The following MNAT1 variants were observed in gnomAD, a reference collection of about 807,000 sequenced individuals.
MNAT1 encodes CDK-activating kinase assembly factor MAT1.
In MNAT1, 43 loss-of-function variants were observed where a neutral mutation model predicts 42.0. The observed-to-expected ratio is 1.02, with a 90% CI of 0.80 to 1.32. MNAT1 has a LOEUF of 1.32. MNAT1 is among the 40% of genes most tolerant of loss of function. The pLI is 0.00. For synonymous variants in MNAT1, 118 were observed against 120.0 expected (o/e 0.98, Z 0.11); for missense variants, 306 against 350.4 (o/e 0.87, Z 1.01).
At chr14:60,874,562 T>C (rs2034396447) in intron 6 of MNAT1, among the ~76,000 whole-genome samples, 2 of 152,094 alleles carry the variant, frequency 1.3e-5, no homozygotes, top group Non-Finnish European at 1.5e-5. Flanking sequence ...TTTTTTTCTG[T>C]TCTGTCTTTT....
At chr14:60,735,012 G>A (rs1464287219) in intron 1 of MNAT1, 61 bp downstream of exon 1, 4 of 1,508,914 alleles carry the variant, frequency 2.7e-6, no homozygotes, top group African/African-American at 2.7e-5. Flanking sequence ...GGAGAGGACC[G>A]GGAGATGCTA....
intron 7 of MNAT1, among the ~76,000 whole-genome samples, chr14:60,956,087 T>C (rs938689767): frequency 2.6e-5 from 4 of 152,122 alleles, no homozygotes; most frequent in African/African-American, 9.6e-5. Flanking sequence ...TAAAGTGTAA[T>C]ATCAGGTTAT....
At chr14:60,966,543 C>T (rs922285677) in intron 7 of MNAT1, among the ~76,000 whole-genome samples, 3 of 152,140 alleles carry the variant, frequency 2.0e-5, no homozygotes, top group Admixed American at 6.5e-5. Flanking sequence ...GATGGAGTCT[C>T]GCTGTGTCAC....
chr14:60,796,386 G>A lies in MNAT1; in HGVS notation c.242+17G>A, dbSNP rs762780256. Reference sequence around the variant, plus strand: ...GCTAAAGATGTAAGTATTCCTGCTCGAATGATTCAGTCAACAAAGAGGACT... The same window carrying A: ...GCTAAAGATGTAAGTATTCCTGCTCAAATGATTCAGTCAACAAAGAGGACT... On this transcript the variant is annotated intron_variant, in intron 2 of 7. Coordinates refer to ENST00000261245, the MANE Select transcript of MNAT1 (RefSeq NM_002431.4). 11 of 1,600,168 alleles carry A rather than the reference G, an allele frequency of 6.9e-6. No homozygotes were observed. The highest frequency in any genetic ancestry group is 8.5e-6 in the Non-Finnish European group (10 of 1,172,670).
chr14:60,815,075 A>G (rs1197025918), intron 5 of MNAT1, among the ~76,000 whole-genome samples: 3 of 152,204 alleles, frequency 2.0e-5, no homozygotes, highest in South Asian at 2.1e-4. Context: ...TCTCTTCTAT[A>G]TAATTAATTG....
chr14:60,938,094 T>A (rs929931174), intron 7 of MNAT1, among the ~76,000 whole-genome samples: 2 of 152,246 alleles, frequency 1.3e-5, no homozygotes, highest in African/African-American at 2.4e-5. Context: ...GAGACTTTGC[T>A]GAAGTTGCCT....
intron 3 of MNAT1, among the ~76,000 whole-genome samples, chr14:60,798,928 G>C (rs769935009): frequency 6.6e-6 from 1 of 151,952 alleles, no homozygotes; most frequent in South Asian, 2.1e-4. Flanking sequence ...AAACTTAATA[G>C]GTAACTGTAC....
At chr14:60,947,675 T>G (rs2036307524) in intron 7 of MNAT1, among the ~76,000 whole-genome samples, 1 of 152,158 alleles carries the variant, frequency 6.6e-6, no homozygotes. Context: ...AAAGTGAGAC[T>G]CTATCTGAAA....
chr14:60,858,877 A>G (rs750037266), intron 6 of MNAT1, among the ~76,000 whole-genome samples: 20 of 152,230 alleles, frequency 1.3e-4, no homozygotes, highest in Admixed American at 6.5e-5. Context: ...GCTATTGCAC[A>G]CTTACTAGAC....
chr14:60,800,656 T>C (rs926166816), intron 3 of MNAT1, among the ~76,000 whole-genome samples: 2 of 152,212 alleles, frequency 1.3e-5, no homozygotes, highest in African/African-American at 2.4e-5. Context: ...AGTTAGAGAA[T>C]GACTATATAC....
rs797011967 is a variant in MNAT1, at chr14:60,794,563, G to A, written c.90-1654G>A. Among the ~76,000 whole-genome samples, 38 of 147,396 alleles carry A rather than the reference G, an allele frequency of 2.6e-4. 1 individual carries two copies. Among genetic ancestry groups the A allele is most frequent in the African/African-American group, 9.3e-4 (37 of 39,854 alleles). On this transcript the variant is annotated intron_variant, in intron 1 of 7. Coordinates refer to ENST00000261245, the MANE Select transcript of MNAT1 (RefSeq NM_002431.4). The stretch of plus-strand genomic sequence containing the variant: ...TGCTTGTTATCCCAGCTACTGAGGA[G>A]CCTGATGTAGGACGATTGCCTGAAT...
At chr14:60,858,606 G>T (rs1442104902) in intron 6 of MNAT1, among the ~76,000 whole-genome samples, 2 of 152,090 alleles carry the variant, frequency 1.3e-5, no homozygotes, top group African/African-American at 2.4e-5. Context: ...CTTTCAAACA[G>T]CATCATGTGC....
At chr14:60,777,579 TG>T (rs147625473) in intron 1 of MNAT1, among the ~76,000 whole-genome samples, 130 of 152,332 alleles carry the variant, frequency 8.5e-4, no homozygotes, top group Middle Eastern at 3.4e-3. Context: ...TCATATTGGA[TG>T]TTTTTTTAAT....
intron 7 of MNAT1, among the ~76,000 whole-genome samples, chr14:60,966,133 C>CT (rs577360114): frequency 1.6e-3 from 236 of 145,258 alleles, no homozygotes; most frequent in Middle Eastern, 3.5e-3. Flanking sequence ...GACTATTTTT[C>CT]TTTTTTTTTT....
intron 1 of MNAT1, 114 bp from the exon 2 acceptor site, chr14:60,796,103 A>G: frequency 9.5e-6 from 8 of 838,330 alleles, no homozygotes; most frequent in Non-Finnish European, 1.3e-5. Context: ...GATTTTAAAT[A>G]GAAGTGACTA....
intron 5 of MNAT1, among the ~76,000 whole-genome samples, chr14:60,813,558 C>T (rs190595272): frequency 6.6e-6 from 1 of 152,114 alleles, no homozygotes; most frequent in African/African-American, 2.4e-5. Flanking sequence ...ACTGATTCCA[C>T]CATATTAGTA....
rs374785526 is a variant in MNAT1 at position 60,818,718 on chromosome 14, A to T, written c.562-4A>T. The T allele has an allele frequency of 3.1e-6, 5 of 1,593,076 alleles. No homozygotes were observed. The African/African-American group carries it at 6.7e-5, about 21-fold the overall frequency. On this transcript the variant is annotated splice_polypyrimidine_tract_variant and splice_region_variant and intron_variant, in intron 5 of 7. Coordinates refer to ENST00000261245, the MANE Select transcript of MNAT1 (RefSeq NM_002431.4). ...TTCTTATTGAACTTGAACTATTCTTACAGGAGAGTTCTGATCTCCCTGTTG... is the reference window on the plus strand; with the variant it reads ...TTCTTATTGAACTTGAACTATTCTTTCAGGAGAGTTCTGATCTCCCTGTTG...
At chr14:60,859,063 A>G (rs949669721) in intron 6 of MNAT1, among the ~76,000 whole-genome samples, 1 of 152,212 alleles carries the variant, frequency 6.6e-6, no homozygotes, top group South Asian at 2.1e-4. Context: ...ATCTGTAGAG[A>G]AGTAAAGTTC....
intron 6 of MNAT1, among the ~76,000 whole-genome samples, chr14:60,834,328 A>G (rs1386799966): frequency 6.6e-6 from 1 of 152,114 alleles, no homozygotes; most frequent in African/African-American, 2.4e-5. Flanking sequence ...ACATTGCTTT[A>G]GCTGTGTCCC....
Sources: gnomAD v4.1 joint callset for allele counts (sites outside exome capture counted in the v4.1 genomes callset) on GRCh38, gnomAD v4.1.1 for gene constraint, MANE v1.5 for transcripts, NCBI Gene and HGNC (gene_info 2026-07-23, HGNC 2026-07-21) for gene names.